Variants in POLR1A observed in about 807,000 individuals in gnomAD.
POLR1A encodes the protein RNA polymerase I subunit A.
In POLR1A, 84 loss-of-function variants were observed where a neutral mutation model predicts 205.3. The ratio of observed to expected loss-of-function variants is 0.41; its 90% CI spans 0.34 to 0.49. The LOEUF is 0.49. Ranked by LOEUF, POLR1A falls within the 20% of genes least tolerant of loss-of-function variation. The pLI, the probability that POLR1A is intolerant of heterozygous loss-of-function variation, is 0.22. For synonymous variants in POLR1A, 799 were observed against 863.7 expected, an observed-to-expected ratio of 0.93 and a Z score of 1.31; for missense variants, 1,645 against 2,204.5, an observed-to-expected ratio of 0.75 and a Z score of 5.08.
intron 21 of POLR1A, 89 bp from the exon 22 acceptor site, chr2:86,044,393 G>T: frequency 7.2e-7 from 1 of 1,396,680 alleles, no homozygotes; most frequent in Non-Finnish European, 1.0e-6. Context: ...GGAGGGGAGG[G>T]AAAGGGGGGC....
In POLR1A at chr2:86,081,828, A is replaced by C. The variant is rs140795916; in HGVS notation, c.818-122T>G. On this transcript the variant is annotated intron_variant, in intron 7 of 33. Coordinates refer to ENST00000263857, the MANE Select transcript of POLR1A (RefSeq NM_015425.6). ...AGAATACAAGATAATATGTAGAGTTAAGGTCACAGTTTTCTTTTTTGAGAA... is the reference window on the plus strand; with the variant it reads ...AGAATACAAGATAATATGTAGAGTTCAGGTCACAGTTTTCTTTTTTGAGAA... 2.6e-4 allele frequency: 164 copies of C among 637,962 alleles called. No individual in the cohort carries two copies. The East Asian group carries it at 4.1e-3, about 16-fold the overall frequency. The allele number at this position is 637,962 out of a possible 1,614,324, so 39.5% of individuals were successfully genotyped here.
At chr2:86,041,149 CTG>C (rs756415592) in intron 24 of POLR1A, among the ~76,000 whole-genome samples, 2,317 of 122,162 alleles carry the variant, frequency 0.019, 38 homozygotes, top group Middle Eastern at 0.036. Flanking sequence ...CTGAGCTACA[CTG>C]TGTGTGTGTG....
chr2:86,064,786 ACT>A (rs1673057341), intron 14 of POLR1A, among the ~76,000 whole-genome samples: 1 of 150,584 alleles, frequency 6.6e-6, no homozygotes, highest in Non-Finnish European at 1.5e-5. Context: ...ACGGAGTCTC[ACT>A]CTGTTGCCCA....
At chr2:86,041,643 C>T (rs1672612989) in intron 24 of POLR1A, among the ~76,000 whole-genome samples, 1 of 152,198 alleles carries the variant, frequency 6.6e-6, no homozygotes, top group Non-Finnish European at 1.5e-5. Context: ...CTGCAAGCCT[C>T]CCAGCAGACC....
In POLR1A at chr2:86,023,328, C is replaced by T. The variant is rs769778175; in HGVS notation, c.*4095G>A. 5 of 152,212 alleles carry T rather than the reference C, an allele frequency of 3.3e-5. No homozygotes were observed. The highest frequency in any genetic ancestry group is 7.3e-5 in the Non-Finnish European group (5 of 68,040). The allele number at this position is 152,212 out of a possible 1,614,324, so 9.4% of individuals were successfully genotyped here. On this transcript the variant is annotated 3_prime_UTR_variant, in exon 34 of 34. Transcript: ENST00000263857. ...CATCTGCAGAGGTGGTATCACTCAACGATGAAAGACTCAACGAACCAGCCT... is the reference window on the plus strand; with the variant it reads ...CATCTGCAGAGGTGGTATCACTCAATGATGAAAGACTCAACGAACCAGCCT...
chr2:86,088,887 A>T lies in POLR1A; in HGVS notation c.541-17T>A. On this transcript the variant is annotated splice_polypyrimidine_tract_variant and intron_variant, in intron 4 of 33. Coordinates refer to ENST00000263857, the MANE Select transcript of POLR1A (RefSeq NM_015425.6). ...GTTCTTTACCTGTTTTTTTAAAAAAAGTCAGAGAACCTTGGAGTGCCATTT... is the reference window on the plus strand; with the variant it reads ...GTTCTTTACCTGTTTTTTTAAAAAATGTCAGAGAACCTTGGAGTGCCATTT... The T allele has an allele frequency of 6.3e-7, 1 of 1,585,174 alleles. No individual in the cohort carries two copies. Among genetic ancestry groups the T allele is most frequent in the Non-Finnish European group, 8.6e-7 (1 of 1,156,552 alleles).
chr2:86,057,730 A>G (rs1672921071), intron 14 of POLR1A, among the ~76,000 whole-genome samples: 1 of 152,250 alleles, frequency 6.6e-6, no homozygotes, highest in Non-Finnish European at 1.5e-5. Context: ...TACAACTTAT[A>G]TGAAATGTCC....
At position 86,105,715 on chromosome 2, in the gene POLR1A, G is replaced by A; in HGVS notation, c.62C>T (p.Ser21Leu). ...RLQGISFGMY[S>L]AEELKKLSVK... ...AACTCCTTACTTGAGCTCTTCAGCC[G>A]AATACATCCCGAAGGAAATGCCCTG... The change falls in exon 1 of 34, where the codon TCG becomes TTG. Residue 21 changes from serine to leucine, a missense_variant. By Grantham distance (145) the Ser-to-Leu change is moderately radical (BLOSUM62 -2). Around this residue, in one of 16 missense-constraint regions of POLR1A, gnomAD observed 330 missense variants for 375.6 expected, o/e 0.88. Coordinates refer to ENST00000263857, the MANE Select transcript of POLR1A (RefSeq NM_015425.6). 6.2e-7 allele frequency: 1 copy of A among 1,613,092 alleles called. No homozygotes were observed. The highest frequency in any genetic ancestry group is 8.5e-7 in the Non-Finnish European group (1 of 1,179,010).
intron 14 of POLR1A, among the ~76,000 whole-genome samples, chr2:86,057,236 AG>A (rs1672913098): frequency 6.6e-6 from 1 of 152,216 alleles, no homozygotes; most frequent in Admixed American, 6.5e-5. Context: ...ACTTCAGTGG[AG>A]GAAGTAATGG....
intron 1 of POLR1A, among the ~76,000 whole-genome samples, chr2:86,103,353 G>C (rs1054172900): frequency 6.6e-6 from 1 of 152,062 alleles, no homozygotes; most frequent in African/African-American, 2.4e-5. Context: ...AGGAGGTCAG[G>C]GTAGCCAGAA....
intron 13 of POLR1A, among the ~76,000 whole-genome samples, chr2:86,067,348 T>A (rs1356763104): frequency 6.6e-6 from 1 of 152,218 alleles, no homozygotes; most frequent in Non-Finnish European, 1.5e-5. Flanking sequence ...ACTTGAATTT[T>A]CTAGCTGACT....
At chr2:86,054,847 G>A (rs958277165) in intron 14 of POLR1A, among the ~76,000 whole-genome samples, 11 of 152,220 alleles carry the variant, frequency 7.2e-5, no homozygotes, top group Admixed American at 7.2e-4. Context: ...GATAACCAGA[G>A]TTGGCTACAG....
At chr2:86,066,502 G>A (rs966975767) in intron 13 of POLR1A, among the ~76,000 whole-genome samples, 6 of 152,154 alleles carry the variant, frequency 3.9e-5, no homozygotes, top group African/African-American at 7.2e-5. Flanking sequence ...GCTCACTGAC[G>A]TTCTTTAAGA....
At chr2:86,078,638 TTC>T (rs1422197747) in intron 9 of POLR1A, among the ~76,000 whole-genome samples, 1 of 152,254 alleles carries the variant, frequency 6.6e-6, no homozygotes, top group Non-Finnish European at 1.5e-5. Context: ...TCTTATGAAG[TTC>T]TGTTATCTTG....
chr2:86,083,218 C>T (rs1558782126), intron 6 of POLR1A, 50 bp from the exon 7 acceptor site: 2 of 1,245,828 alleles, frequency 1.6e-6, no homozygotes, highest in Non-Finnish European at 2.4e-6. Context: ...AACAGGTACT[C>T]TTTCTGCAAT....
Position 86,043,330 on chromosome 2 carries a change from G to A in POLR1A, c.3136-135C>T, listed in dbSNP as rs531115408. ...GGTGTGGAGCCCTCATGATGGGGCC[G>A]AGCACCACTCTCAGAGAGGCTGAGC... On this transcript the variant is annotated intron_variant, in intron 22 of 33. Coordinates refer to ENST00000263857, the MANE Select transcript of POLR1A (RefSeq NM_015425.6). 110 of 687,396 alleles carry A rather than the reference G, an allele frequency of 1.6e-4. 1 individual carries two copies. The highest frequency in any genetic ancestry group is 2.3e-4 in the Non-Finnish European group (92 of 395,732). The allele number at this position is 687,396 out of a possible 1,614,324, so 42.6% of individuals were successfully genotyped here. A position where few individuals can be genotyped will look rare whatever the true frequency, so the allele number is the denominator to read the frequency against.
intron 27 of POLR1A, among the ~76,000 whole-genome samples, chr2:86,038,138 G>C (rs1441449624): frequency 2.6e-5 from 4 of 152,184 alleles, no homozygotes; most frequent in East Asian, 1.9e-4. Context: ...ACAGTAACTT[G>C]AACTTGAGAC....
chr2:86,087,233 T>C (rs1200732466), intron 6 of POLR1A, among the ~76,000 whole-genome samples: 1 of 152,254 alleles, frequency 6.6e-6, no homozygotes, highest in Non-Finnish European at 1.5e-5. Context: ...TCCTAAACTA[T>C]AACATTTTAA....
intron 6 of POLR1A, among the ~76,000 whole-genome samples, chr2:86,086,691 T>C (rs889897710): frequency 1.6e-4 from 23 of 145,072 alleles, no homozygotes; most frequent in East Asian, 1.5e-3. Flanking sequence ...GGTTGCACCA[T>C]CATATTTGCG....
Sources: allele counts gnomAD v4.1 joint callset (sites outside exome capture counted in the v4.1 genomes callset), GRCh38; gene constraint gnomAD v4.1.1; regional missense constraint gnomAD v4.1.1; transcripts MANE v1.5; gene names NCBI Gene and HGNC (gene_info 2026-07-23, HGNC 2026-07-21).